Variants in SQSTM1 observed in about 807,000 individuals in gnomAD.
The protein encoded by SQSTM1 is sequestosome-1.
SQSTM1 carries 36 observed loss-of-function variants against 45.1 expected under a neutral mutation model. The observed-to-expected ratio is 0.80, with a 90% CI of 0.61 to 1.05. SQSTM1 has a LOEUF of 1.05. Among genes scored for constraint, SQSTM1 ranks in the 50% least tolerant of loss-of-function variants. The pLI is 0.00. For synonymous variants in SQSTM1, 290 were observed against 244.3 expected (o/e 1.19, Z -1.74); for missense variants, 617 against 607.1 (o/e 1.02, Z -0.17).
At chr5:179,831,219 A>C (rs1284911062) in intron 5 of SQSTM1, among the ~76,000 whole-genome samples, 1 of 152,246 alleles carries the variant, frequency 6.6e-6, no homozygotes, top group Non-Finnish European at 1.5e-5. Context: ...CTGCCCAGAG[A>C]GCTGCCAGTC....
chr5:179,820,899 A>G, upstream of SQSTM1: 2 of 1,467,528 alleles, frequency 1.4e-6, no homozygotes, highest in South Asian at 1.3e-5. Flanking sequence ...GGCGGCTGCG[A>G]CCGGGACGGC....
At chr5:179,835,239 C>T (rs370218545) in intron 7 of SQSTM1, 5 of 169,024 alleles carry the variant, frequency 3.0e-5, no homozygotes, top group South Asian at 8.9e-5. Flanking sequence ...ACATTCCAGA[C>T]GATGGGCGGC....
At chr5:179,832,029 C>T (rs1758250326) in intron 5 of SQSTM1, among the ~76,000 whole-genome samples, 3 of 152,104 alleles carry the variant, frequency 2.0e-5, no homozygotes, top group Admixed American at 1.3e-4. Context: ...GTGATCCGCC[C>T]GCCTCGGCCT....
upstream of SQSTM1, among the ~76,000 whole-genome samples, chr5:179,815,696 C>T (rs1757557902): frequency 6.6e-6 from 1 of 152,166 alleles, no homozygotes; most frequent in Non-Finnish European, 1.5e-5. Flanking sequence ...CTACAGTGCT[C>T]TGGTTGGCCA....
In SQSTM1 at chr5:179,837,406, G is replaced by A. The variant is rs552007127; in HGVS notation, c.*813G>A. 66 of 1,592,700 alleles carry A rather than the reference G, an allele frequency of 4.1e-5. No homozygotes were observed. The highest frequency in any genetic ancestry group is 3.7e-4 in the South Asian group (33 of 88,838). On this transcript the variant is annotated 3_prime_UTR_variant, in exon 8 of 8. Coordinates refer to ENST00000389805, the MANE Select transcript of SQSTM1 (RefSeq NM_003900.5). ...CAGTCCCAGATCACACATCATCATC[G>A]AAGTCTTCCCCAGTTATAAAGAGGT...
At chr5:179,819,211 C>G (rs1757675908), upstream of SQSTM1, among the ~76,000 whole-genome samples, 1 of 152,192 alleles carries the variant, frequency 6.6e-6, no homozygotes, top group Admixed American at 6.5e-5. Context: ...GCCTCGGCCT[C>G]GCGTGGGGGC....
intron 5 of SQSTM1, among the ~76,000 whole-genome samples, chr5:179,827,423 C>T (rs758060171): frequency 2.6e-5 from 4 of 151,952 alleles, no homozygotes; most frequent in Non-Finnish European, 4.4e-5. Flanking sequence ...TAGCTGGGAC[C>T]ACAGGCGCCC....
At chr5:179,834,778 A>G (rs1246251499) in intron 7 of SQSTM1, among the ~76,000 whole-genome samples, 1 of 152,336 alleles carries the variant, frequency 6.6e-6, no homozygotes, top group African/African-American at 2.4e-5. Flanking sequence ...TACAGAACAA[A>G]ATGAAAAGTC....
At position 179,837,690 on chromosome 5, in the gene SQSTM1, C is replaced by T; in HGVS notation, c.*1097C>T. On this transcript the variant is annotated 3_prime_UTR_variant, in exon 8 of 8. Transcript: ENST00000389805. ...TCCCTCTGAAGAGACCTTGGCTGCTCACTGTCCACATGTGAACTTTTTCTA... is the reference window on the plus strand; with the variant it reads ...TCCCTCTGAAGAGACCTTGGCTGCTTACTGTCCACATGTGAACTTTTTCTA... 6.2e-7 allele frequency: 1 copy of T among 1,614,272 alleles called. No homozygotes were observed. Among genetic ancestry groups the T allele is most frequent in the East Asian group, 2.2e-5 (1 of 44,892 alleles).
intron 5 of SQSTM1, among the ~76,000 whole-genome samples, chr5:179,827,299 C>A (rs1758034389): frequency 6.6e-6 from 1 of 152,148 alleles, no homozygotes; most frequent in Non-Finnish European, 1.5e-5. Context: ...CTTGCAGATG[C>A]TCAGATGTCT....
rs1758690108 is a variant in SQSTM1, at chr5:179,838,033, G to A, written c.*1440G>A. 7 of 714,856 alleles carry A rather than the reference G, an allele frequency of 9.8e-6. No individual in the cohort carries two copies. Among genetic ancestry groups the A allele is most frequent in the Non-Finnish European group, 1.6e-5 (7 of 441,042 alleles). The allele number at this position is 714,856 out of a possible 1,614,324, so 44.3% of individuals were successfully genotyped here. On this transcript the variant is annotated 3_prime_UTR_variant, in exon 8 of 8. Transcript: ENST00000389805. ...AGGCTGGGACAGGCTTTGATTTTGA[G>A]GGTTAGCAAGACAAAGCAAATAAAT...
At chr5:179,821,368 C>T (rs1053479066) in intron 1 of SQSTM1, among the ~76,000 whole-genome samples, 3 of 152,144 alleles carry the variant, frequency 2.0e-5, no homozygotes, top group Non-Finnish European at 2.9e-5. Flanking sequence ...TCAGCGTCGG[C>T]CCCCTGGGGC....
In SQSTM1 at chr5:179,836,787, G is replaced by A. The variant is rs922763648; in HGVS notation, c.*194G>A. 1 of 839,596 alleles carries A rather than the reference G, an allele frequency of 1.2e-6. No homozygotes were observed. The highest frequency in any genetic ancestry group is 1.9e-6 in the Non-Finnish European group (1 of 520,498). 52.0% of individuals were successfully genotyped at this position (839,596 alleles called of 1,614,324 possible). On this transcript the variant is annotated 3_prime_UTR_variant, in exon 8 of 8. Transcript: ENST00000389805. ...GGTCCCTGTGTGTGTGTGTGCTGATGTTTCCTGGGTGCCCTGGCTCCTTGC... is the reference window on the plus strand; with the variant it reads ...GGTCCCTGTGTGTGTGTGTGCTGATATTTCCTGGGTGCCCTGGCTCCTTGC...
At chr5:179,822,925 G>T (rs775514444) in intron 1 of SQSTM1, 33 bp from the exon 2 acceptor site, 2 of 1,595,740 alleles carry the variant, frequency 1.3e-6, no homozygotes, top group Non-Finnish European at 8.6e-7. Context: ...GAGAACCCCT[G>T]GGTGCTCACG....
rs1582033652 is a variant in SQSTM1 at position 179,837,695 on chromosome 5, T to C, written c.*1102T>C. On this transcript the variant is annotated 3_prime_UTR_variant, in exon 8 of 8. Transcript: ENST00000389805. ...CTGAAGAGACCTTGGCTGCTCACTG[T>C]CCACATGTGAACTTTTTCTAGGTGG... 6.2e-7 allele frequency: 1 copy of C among 1,614,232 alleles called. No individual in the cohort carries two copies. The highest frequency in any genetic ancestry group is 2.2e-5 in the East Asian group (1 of 44,890).
chr5:179,830,554 TTTTTC>T (rs1190303127), intron 5 of SQSTM1, among the ~76,000 whole-genome samples: 14 of 150,282 alleles, frequency 9.3e-5, no homozygotes, highest in African/African-American at 3.2e-4. Flanking sequence ...GATATTTTTT[TTTTTC>T]TTTTTCTTTC....
In SQSTM1 at chr5:179,823,875, C is replaced by T. The variant is rs771903158; in HGVS notation, c.319C>T (p.Arg107Trp). Residue 107 changes from arginine to tryptophan, a missense_variant, in exon 3 of 8, where the codon CGG becomes TGG. Coordinates refer to ENST00000389805, the MANE Select transcript of SQSTM1 (RefSeq NM_003900.5). ...TCCTGTAGAGAAAAAAGAGTGCCGG[C>T]GGGACCACCGCCCACCGTGTGCTCA... ...IYIKEKKECR[R>W]DHRPPCAQEA... 1.6e-5 allele frequency: 26 copies of T among 1,612,110 alleles called. No homozygotes were observed. The highest frequency in any genetic ancestry group is 4.4e-5 in the South Asian group (4 of 91,068).
upstream of SQSTM1, among the ~76,000 whole-genome samples, chr5:179,817,488 C>T (rs779744970): frequency 9.9e-5 from 15 of 152,230 alleles, no homozygotes; most frequent in Non-Finnish European, 2.1e-4. Flanking sequence ...TGGAGAAATT[C>T]GCCCAGCCCA....
intron 1 of SQSTM1, among the ~76,000 whole-genome samples, chr5:179,810,505 C>T (rs1173552091): frequency 1.3e-5 from 2 of 152,184 alleles, no homozygotes; most frequent in Admixed American, 6.5e-5. Context: ...TTTCTTAATC[C>T]AGTCTATCAT....
Sources: allele counts gnomAD v4.1 joint callset (sites outside exome capture counted in the v4.1 genomes callset), GRCh38; gene constraint gnomAD v4.1.1; transcripts MANE v1.5; gene names NCBI Gene and HGNC (gene_info 2026-07-23, HGNC 2026-07-21).